The following PDCL2 variants were observed in gnomAD, a reference collection of about 807,000 sequenced individuals.
PDCL2 encodes the protein phosducin-like protein 2.
Under a neutral mutation model 30.3 loss-of-function variants are expected in PDCL2, and 23 were observed. That is an observed-to-expected ratio of 0.76 (90% confidence interval 0.55 to 1.08). The LOEUF (loss-of-function observed/expected upper bound fraction) is 1.08. Ranked by LOEUF, PDCL2 falls within the 50% of genes least tolerant of loss-of-function variation. PDCL2 has a pLI of 0.00. For missense variants in PDCL2, 243 were observed against 282.3 expected, an observed-to-expected ratio of 0.86 and a Z score of 1.00; for synonymous variants, 68 against 86.2, an observed-to-expected ratio of 0.79 and a Z score of 1.17.
chr4:55,575,287 A>T (rs1337880237), intron 3 of PDCL2, among the ~76,000 whole-genome samples: 1 of 152,170 alleles, frequency 6.6e-6, no homozygotes, highest in African/African-American at 2.4e-5. Context: ...AAAAAAATAC[A>T]TTGGAGAGTT....
chr4:55,572,436 A>ACT (rs1414739121), intron 3 of PDCL2, among the ~76,000 whole-genome samples: 1 of 152,200 alleles, frequency 6.6e-6, no homozygotes, highest in Non-Finnish European at 1.5e-5. Flanking sequence ...TGTTGGCTTT[A>ACT]CTATCAAACT....
intron 3 of PDCL2, among the ~76,000 whole-genome samples, chr4:55,570,189 G>A (rs1164499002): frequency 1.3e-5 from 2 of 152,118 alleles, no homozygotes; most frequent in Non-Finnish European, 2.9e-5. Flanking sequence ...ACTTCATTAA[G>A]GAGAATAATG....
intron 3 of PDCL2, among the ~76,000 whole-genome samples, 186 bp from the exon 4 acceptor site, chr4:55,570,047 A>G (rs950604296): frequency 6.6e-6 from 1 of 152,154 alleles, no homozygotes; most frequent in African/African-American, 2.4e-5. Flanking sequence ...TTGTGTTATC[A>G]TGGTTATTGG....
Position 55,569,867 on chromosome 4 carries a change from T to C in PDCL2, c.219-6A>G. The C allele has an allele frequency of 6.8e-7, 1 of 1,481,086 alleles. No individual in the cohort carries two copies. The highest frequency in any genetic ancestry group is 9.1e-7 in the Non-Finnish European group (1 of 1,094,404). The allele number at this position is 1,481,086 out of a possible 1,614,324, so 91.7% of individuals were successfully genotyped here. A position where few individuals can be genotyped will look rare whatever the true frequency, so the allele number is the denominator to read the frequency against. The stretch of plus-strand genomic sequence containing the variant: ...ATTCCTGTAACCGCTTCTTTCTAAT[T>C]AAAACATGAAATTAAATTACATAAG... On this transcript the variant is annotated splice_polypyrimidine_tract_variant and splice_region_variant and intron_variant, in intron 3 of 5. Coordinates refer to ENST00000295645, the MANE Select transcript of PDCL2 (RefSeq NM_152401.3).
At chr4:55,562,241 G>T (rs950406004) in intron 5 of PDCL2, among the ~76,000 whole-genome samples, 163 bp downstream of exon 5, 4 of 152,048 alleles carry the variant, frequency 2.6e-5, no homozygotes, top group Non-Finnish European at 5.9e-5. Context: ...AAGCAAGGGG[G>T]TGTTATTAGA....
At chr4:55,580,760 A>C in intron 3 of PDCL2, 61 bp downstream of exon 3, 1 of 1,167,064 alleles carries the variant, frequency 8.6e-7, no homozygotes, top group South Asian at 1.9e-5. Flanking sequence ...AAATCTCTTT[A>C]GTTTTATTCT....
chr4:55,580,943 T>G, intron 2 of PDCL2, 32 bp from the exon 3 acceptor site: 1 of 1,534,562 alleles, frequency 6.5e-7, no homozygotes, highest in South Asian at 1.2e-5. Context: ...ATTATCAAAT[T>G]GTTTAAAAAT....
Position 55,580,876 on chromosome 4 carries a change from T to G in PDCL2, c.163A>C (p.Lys55Gln). ...TCATCAAATTCATCTTCAGCTTCCT[T>G]TAGCTGTGCAAGAGTCATCTTTTCA... ...PFEKMTLAQL[K>Q]EAEDEFDEED... is the part of the protein sequence containing the mutation. The change falls in exon 3 of 6, where the codon AAG becomes CAG. Residue 55 changes from lysine (K) to glutamine (Q), a missense_variant. Transcript: ENST00000295645. The G allele has an allele frequency of 6.2e-7, 1 of 1,611,226 alleles. No individual in the cohort carries two copies. The highest frequency in any genetic ancestry group is 8.5e-7 in the Non-Finnish European group (1 of 1,178,816).
At chr4:55,586,306 C>T (rs1367128440) in intron 1 of PDCL2, among the ~76,000 whole-genome samples, 2 of 152,136 alleles carry the variant, frequency 1.3e-5, no homozygotes, top group Non-Finnish European at 2.9e-5. Flanking sequence ...AATAGAAAAA[C>T]TGTACTCATT....
chr4:55,556,775 T>C (rs1731979542), intron 5 of PDCL2, 64 bp from the exon 6 acceptor site: 2 of 1,302,000 alleles, frequency 1.5e-6, no homozygotes, highest in African/African-American at 3.1e-5. Flanking sequence ...TTCATCTATA[T>C]GAAACAAGAG....
At chr4:55,590,731 G>C (rs755554610) in intron 1 of PDCL2, among the ~76,000 whole-genome samples, 10 of 151,966 alleles carry the variant, frequency 6.6e-5, no homozygotes, top group African/African-American at 1.9e-4. Flanking sequence ...CTGACCTCAA[G>C]GGATCTGCCT....
At chr4:55,573,416 G>A (rs891402294) in intron 3 of PDCL2, among the ~76,000 whole-genome samples, 1 of 151,790 alleles carries the variant, frequency 6.6e-6, no homozygotes, top group Non-Finnish European at 1.5e-5. Context: ...AAGAAATCTT[G>A]TCCGAAGGTA....
chr4:55,559,165 C>T (rs1046930941), intron 5 of PDCL2, among the ~76,000 whole-genome samples: 11 of 152,004 alleles, frequency 7.2e-5, no homozygotes, highest in East Asian at 1.9e-4. Flanking sequence ...CTTCAAACAC[C>T]GATGGAAGGA....
At chr4:55,591,350 G>C (rs1045159064) in intron 1 of PDCL2, among the ~76,000 whole-genome samples, 6 of 152,090 alleles carry the variant, frequency 3.9e-5, no homozygotes, top group Non-Finnish European at 8.8e-5. Flanking sequence ...GACAGAGGAG[G>C]AGCCTTCTAA....
intron 1 of PDCL2, among the ~76,000 whole-genome samples, chr4:55,588,730 A>G (rs188843250): frequency 1.3e-5 from 2 of 152,296 alleles, no homozygotes; most frequent in African/African-American, 4.8e-5. Flanking sequence ...CCTTTATTGA[A>G]AAAAAATTAA....
chr4:55,577,825 C>A (rs978200641), intron 3 of PDCL2, among the ~76,000 whole-genome samples: 1 of 152,098 alleles, frequency 6.6e-6, no homozygotes, highest in African/African-American at 2.4e-5. Flanking sequence ...GACTTCTGGG[C>A]TTCCTCAAGT....
intron 3 of PDCL2, among the ~76,000 whole-genome samples, chr4:55,577,681 A>T (rs1456480144): frequency 6.6e-6 from 1 of 152,198 alleles, no homozygotes; most frequent in East Asian, 1.9e-4. Context: ...CAGTTCCAGA[A>T]TATCTTTTAT....
In PDCL2 at chr4:55,563,161, C is replaced by T. The variant is rs576326367; in HGVS notation, c.363-549G>A. Among the ~76,000 whole-genome samples the T allele has an allele frequency of 5.3e-5, 8 of 152,298 alleles. No homozygotes were observed. In the South Asian group the frequency reaches 1.2e-3, roughly 24 times the overall value. On this transcript the variant is annotated intron_variant, in intron 4 of 5. Transcript: ENST00000295645. ...ATTTAATATTGATTGGAAGTGTGAC[C>T]ACAACCTCAGCTCTTCCTGCTTTAT...
chr4:55,563,822 G>A (rs1347901622), intron 4 of PDCL2, among the ~76,000 whole-genome samples: 2 of 152,188 alleles, frequency 1.3e-5, no homozygotes, highest in Admixed American at 1.3e-4. Context: ...GGCCTGGATA[G>A]CAAAAGTGGT....
Sources: gnomAD v4.1 joint callset for allele counts (sites outside exome capture counted in the v4.1 genomes callset) on GRCh38, gnomAD v4.1.1 for gene constraint, MANE v1.5 for transcripts, NCBI Gene and HGNC (gene_info 2026-07-23, HGNC 2026-07-21) for gene names.